Variants in MROH7 observed in about 807,000 individuals in gnomAD.
The protein encoded by MROH7 is maestro heat-like repeat-containing protein family member 7.
Under a neutral mutation model 129.2 loss-of-function variants are expected in MROH7, and 113 were observed. That is an observed-to-expected ratio of 0.87 (90% CI 0.75 to 1.02). MROH7 has a LOEUF of 1.02. Ranked by LOEUF, MROH7 falls within the 50% of genes least tolerant of loss-of-function variation. The pLI, the probability that MROH7 is intolerant of heterozygous loss-of-function variation, is 0.00. For missense variants in MROH7, 1,601 were observed against 1,671.3 expected (o/e 0.96, Z 0.73); for synonymous variants, 655 against 667.9 (o/e 0.98, Z 0.30).
intron 14 of MROH7, among the ~76,000 whole-genome samples, chr1:54,683,725 A>C (rs1183978688): frequency 6.6e-6 from 1 of 151,996 alleles, no homozygotes; most frequent in Non-Finnish European, 1.5e-5. Context: ...TCAGAACTTC[A>C]TCCAGCCACG....
At chr1:54,693,222 T>C (rs1478178016) in intron 16 of MROH7, among the ~76,000 whole-genome samples, 2 of 152,196 alleles carry the variant, frequency 1.3e-5, no homozygotes, top group East Asian at 3.9e-4. Context: ...CATTTGAATG[T>C]GTAGTACATG....
intron 3 of MROH7, among the ~76,000 whole-genome samples, chr1:54,659,457 AT>A (rs762971443): frequency 0.02 from 1,284 of 64,816 alleles, 11 homozygotes; most frequent in Middle Eastern, 0.067. Context: ...TAATTTTTGT[AT>A]TTTTTTTTTT....
At chr1:54,662,544 A>G (rs919375027) in intron 3 of MROH7, among the ~76,000 whole-genome samples, 1 of 151,842 alleles carries the variant, frequency 6.6e-6, no homozygotes, top group African/African-American at 2.4e-5. Context: ...TTCAAAGAAA[A>G]AAAAAAAAGT....
At chr1:54,702,535 A>T in intron 20 of MROH7, 88 bp from the exon 21 acceptor site, 1 of 1,292,490 alleles carries the variant, frequency 7.7e-7, no homozygotes, top group Non-Finnish European at 1.0e-6. Context: ...GTACAATTTC[A>T]AATAGAAACT....
In MROH7 at chr1:54,709,943, C is replaced by T; in HGVS notation, c.3731-3C>T. 2 of 1,608,576 alleles carry T rather than the reference C, an allele frequency of 1.2e-6. No homozygotes were observed. Among genetic ancestry groups the T allele is most frequent in the Non-Finnish European group, 1.7e-6 (2 of 1,175,276 alleles). The stretch of plus-strand genomic sequence containing the variant: ...GGAGGCTTCTCCCTTCCCCATGACG[C>T]AGCTCTGGATAACTTGAGACATGAC... On this transcript the variant is annotated splice_region_variant and splice_polypyrimidine_tract_variant and intron_variant, in intron 23 of 23. Coordinates refer to ENST00000421030, the MANE Select transcript of MROH7 (RefSeq NM_001039464.4).
chr1:54,692,890 T>G (rs1039253300), intron 16 of MROH7, among the ~76,000 whole-genome samples: 1 of 152,212 alleles, frequency 6.6e-6, no homozygotes, highest in East Asian at 1.9e-4. Flanking sequence ...GCCTTGGAGA[T>G]GGCCTGACTG....
intron 16 of MROH7, among the ~76,000 whole-genome samples, chr1:54,694,313 A>G (rs939253182): frequency 1.3e-5 from 2 of 152,232 alleles, no homozygotes; most frequent in Non-Finnish European, 2.9e-5. Flanking sequence ...TCTGCACTCC[A>G]TGCATGATTG....
chr1:54,705,187 C>A (rs1645513063), intron 21 of MROH7, among the ~76,000 whole-genome samples: 1 of 152,166 alleles, frequency 6.6e-6, no homozygotes, highest in East Asian at 1.9e-4. Context: ...TACATTAGAC[C>A]CCTCTGGGTC....
intron 23 of MROH7, 70 bp downstream of exon 23, chr1:54,709,146 C>T (rs12028701): frequency 0.12 from 173,712 of 1,436,994 alleles, 11,723 homozygotes; most frequent in East Asian, 0.31. Flanking sequence ...CAGTGGGTAA[C>T]AGGGAAAGGG....
intron 17 of MROH7, chr1:54,699,165 T>TG (rs1645386018): frequency 7.9e-6 from 1 of 126,228 alleles, no homozygotes; most frequent in African/African-American, 3.0e-5. Flanking sequence ...TTTCTTTTCT[T>TG]TCTTTCTTTC....
intron 16 of MROH7, among the ~76,000 whole-genome samples, chr1:54,693,064 G>T (rs368289641): frequency 6.6e-6 from 1 of 152,210 alleles, no homozygotes; most frequent in African/African-American, 2.4e-5. Context: ...AGGCATGGTG[G>T]CTCATGCCTG....
intron 12 of MROH7, 95 bp downstream of exon 12, chr1:54,679,534 G>T (rs1167175087): frequency 7.2e-7 from 1 of 1,384,970 alleles, no homozygotes; most frequent in East Asian, 2.4e-5. Context: ...CAGTGGGCAG[G>T]GTGGGGTATA....
rs1233597799 is a variant in MROH7, at chr1:54,649,667, TC to T, written c.-109-2281del. ...CAAGTTAGGTCTTTGAAGATCTTAA[TC>T]ACTGCCTCGTAGGCTGCAACAAGCC... On this transcript the variant is annotated intron_variant, in intron 1 of 23. Coordinates refer to ENST00000421030, the MANE Select transcript of MROH7 (RefSeq NM_001039464.4). 3.9e-5 allele frequency among the ~76,000 whole-genome samples: 6 copies of T among 152,386 alleles called. No individual in the cohort carries two copies. In the East Asian group the frequency reaches 1.2e-3, roughly 29 times the overall value.
At position 54,679,284 on chromosome 1, in the gene MROH7, C is replaced by T. The variant is rs758315810; in HGVS notation, c.2071C>T (p.Pro691Ser). The T allele has an allele frequency of 3.3e-5, 54 of 1,614,062 alleles. No individual in the cohort carries two copies. The highest frequency in any genetic ancestry group is 4.1e-5 in the Non-Finnish European group (48 of 1,180,032). ...TCAGGAATTTGGAGACTTCCTGGGG[C>T]CCCAGCAGATAAAGGACCTGCTGCT... is the stretch of plus-strand genomic sequence containing the variant. Reference protein sequence around the residue: ...VIEEFGDFLGPQQIKDLLLAA... With the variant: ...VIEEFGDFLGSQQIKDLLLAA... The change falls in exon 12 of 24, where the codon CCC becomes TCC. Residue 691 changes from proline to serine, a missense_variant. Coordinates refer to ENST00000421030, the MANE Select transcript of MROH7 (RefSeq NM_001039464.4).
chr1:54,653,568 C>T lies in MROH7; in HGVS notation c.642C>T (p.Ser214=), dbSNP rs1273214436. 6.2e-7 allele frequency: 1 copy of T among 1,614,068 alleles called. No homozygotes were observed. Among genetic ancestry groups the T allele is most frequent in the African/African-American group, 1.3e-5 (1 of 74,934 alleles). ...PTSNSSLDLD[S]NPLLNMGSRN... is the part of the protein sequence containing the mutation. ...CAAACTCTTCTCTGGACCTTGACTC[C>T]AATCCATTGCTCAACATGGGCTCAA... Residue 214 remains serine, a synonymous_variant, in exon 3 of 24, where the codon TCC becomes TCT. Transcript: ENST00000421030.
intron 17 of MROH7, chr1:54,698,114 C>A: frequency 5.9e-6 from 1 of 168,232 alleles, no homozygotes. Context: ...CCCCGGCTTC[C>A]TGTCGCCCTC....
At chr1:54,699,139 TTTCTTTCTTTCTTTCTTTCTTTTC>T (rs1645379199) in intron 17 of MROH7, 7 of 100,960 alleles carry the variant, frequency 6.9e-5, no homozygotes, top group African/African-American at 1.6e-4. Flanking sequence ...TCTTTCTTTC[TTTCTTTCTTTCTTTCTTTCTTTTC>T]TTTCTTTCTT....
chr1:54,665,207 A>G lies in MROH7; in HGVS notation c.1272A>G (p.Pro424=). ...DEVTSCLVKV[P]EKTEGGNNMA... is the part of the protein sequence containing the mutation. ...TGACCTCATGCCTGGTGAAGGTGCC[A>G]GAGAAGACAGAAGGTGGCAACAACA... The change falls in exon 4 of 24, where the codon CCA becomes CCG. Residue 424 remains proline, a synonymous_variant. Transcript: ENST00000421030. 3 of 1,613,936 alleles carry G rather than the reference A, an allele frequency of 1.9e-6. No individual in the cohort carries two copies. The highest frequency in any genetic ancestry group is 2.5e-6 in the Non-Finnish European group (3 of 1,179,922).
chr1:54,680,350 C>T (rs1645050175), intron 13 of MROH7, among the ~76,000 whole-genome samples: 1 of 152,228 alleles, frequency 6.6e-6, no homozygotes, highest in African/African-American at 2.4e-5. Context: ...GACCTAAACT[C>T]AGGTCTAACT....
Sources: gnomAD v4.1 joint callset for allele counts (sites outside exome capture counted in the v4.1 genomes callset) on GRCh38, gnomAD v4.1.1 for gene constraint, MANE v1.5 for transcripts, NCBI Gene and HGNC (gene_info 2026-07-23, HGNC 2026-07-21) for gene names.